Variants in NEK11 observed in about 807,000 individuals in gnomAD.
NEK11 encodes NIMA related kinase 11, also known as serine/threonine-protein kinase Nek11.
Under a neutral mutation model 80.7 loss-of-function variants are expected in NEK11, and 72 were observed. The ratio of observed to expected loss-of-function variants is 0.89; its 90% CI spans 0.74 to 1.08. The LOEUF (loss-of-function observed/expected upper bound fraction) is 1.08. Among genes scored for constraint, NEK11 ranks in the 50% least tolerant of loss-of-function variants. NEK11 has a pLI of 0.00. For synonymous variants in NEK11, 251 were observed against 260.7 expected (o/e 0.96, Z 0.36); for missense variants, 764 against 763.6 (o/e 1.00, Z -0.01).
chr3:131,085,106 C>A (rs938407839), intron 4 of NEK11, among the ~76,000 whole-genome samples: 2 of 152,158 alleles, frequency 1.3e-5, no homozygotes, highest in Non-Finnish European at 2.9e-5. Flanking sequence ...ACGAAAATTG[C>A]ACAACTTGTT....
chr3:131,151,393 G>A (rs1023090308), intron 7 of NEK11, among the ~76,000 whole-genome samples: 1 of 152,024 alleles, frequency 6.6e-6, no homozygotes, highest in South Asian at 2.1e-4. Context: ...TATTCTCAGT[G>A]TACATATCCA....
chr3:131,236,665 GT>G (rs1313781848), intron 15 of NEK11, among the ~76,000 whole-genome samples: 1 of 152,192 alleles, frequency 6.6e-6, no homozygotes, highest in African/African-American at 2.4e-5. Context: ...CTTGTTGGCA[GT>G]TTGAGTTTTG....
intron 17 of NEK11, chr3:131,327,310 C>G (rs538037993): frequency 4.6e-5 from 7 of 152,306 alleles, no homozygotes; most frequent in African/African-American, 1.7e-4. Flanking sequence ...CACACAGTGG[C>G]TGTTTGCAGA....
At chr3:131,307,781 T>C (rs1452447834) in intron 17 of NEK11, among the ~76,000 whole-genome samples, 1 of 152,224 alleles carries the variant, frequency 6.6e-6, no homozygotes, top group African/African-American at 2.4e-5. Context: ...AGCACAGCAA[T>C]ATCTTCAATA....
chr3:131,240,631 G>T (rs2108054783), intron 15 of NEK11, among the ~76,000 whole-genome samples: 1 of 152,066 alleles, frequency 6.6e-6, no homozygotes, highest in South Asian at 2.1e-4. Context: ...ATCATATTTG[G>T]CTTGGAATAC....
intron 14 of NEK11, among the ~76,000 whole-genome samples, chr3:131,215,304 A>G (rs2094791957): frequency 6.6e-6 from 1 of 151,592 alleles, no homozygotes; most frequent in Non-Finnish European, 1.5e-5. Context: ...GGATAGCATT[A>G]GGAGATATAC....
rs1413445502 is a variant in NEK11 at position 131,109,803 on chromosome 3, G to C, written c.337G>C (p.Gly113Arg). The change falls in exon 5 of 18, where the codon GGC becomes CGC. Residue 113 changes from glycine to arginine, a missense_variant and splice_region_variant. By Grantham distance (125) the Gly-to-Arg change is moderately radical (BLOSUM62 -2). Transcript: ENST00000383366. ...TGAAAGATTATGCTCTTCATTTCAG[G>C]GCCGAGATCTGGACGATAAAATTCA... ...NFCIITEYCE[G>R]RDLDDKIQEY... 13 of 1,579,972 alleles carry C rather than the reference G, an allele frequency of 8.2e-6. No homozygotes were observed. The highest frequency in any genetic ancestry group is 1.1e-5 in the Non-Finnish European group (13 of 1,169,836).
intron 3 of NEK11, among the ~76,000 whole-genome samples, chr3:131,069,666 C>T (rs374335402): frequency 0.014 from 2,053 of 150,532 alleles, 50 homozygotes; most frequent in African/African-American, 0.046. Context: ...GATGAGTTCA[C>T]GTCCTTTGTA....
chr3:131,155,546 T>C (rs976426289), intron 10 of NEK11, among the ~76,000 whole-genome samples: 1 of 152,184 alleles, frequency 6.6e-6, no homozygotes, highest in Non-Finnish European at 1.5e-5. Flanking sequence ...TAAGCCGAAA[T>C]TCACTTTCTT....
chr3:131,241,161 G>A (rs542126525), intron 15 of NEK11, among the ~76,000 whole-genome samples: 1 of 152,084 alleles, frequency 6.6e-6, no homozygotes, highest in African/African-American at 2.4e-5. Context: ...AAATATACTT[G>A]TTGGGAAGTG....
chr3:131,287,996 CA>C (rs2096493918), intron 17 of NEK11, among the ~76,000 whole-genome samples: 3 of 152,168 alleles, frequency 2.0e-5, no homozygotes, highest in Non-Finnish European at 4.4e-5. Context: ...AACCTGGTGG[CA>C]AAAATTCATA....
intron 5 of NEK11, among the ~76,000 whole-genome samples, chr3:131,128,627 G>A (rs1020967938): frequency 6.6e-6 from 1 of 152,212 alleles, no homozygotes; most frequent in Admixed American, 6.5e-5. Flanking sequence ...CCATTGTGCA[G>A]GTTTTTGTGT....
intron 3 of NEK11, among the ~76,000 whole-genome samples, chr3:131,032,306 T>C (rs1381712899): frequency 6.6e-6 from 1 of 152,198 alleles, no homozygotes; most frequent in African/African-American, 2.4e-5. Context: ...AATTGAGCAT[T>C]TCATCTTTTC....
intron 4 of NEK11, among the ~76,000 whole-genome samples, chr3:131,108,522 A>C (rs2079553072): frequency 6.6e-6 from 1 of 152,152 alleles, no homozygotes. Context: ...TTACAGTAAA[A>C]TGGATCAGGT....
chr3:131,349,771 C>A lies in NEK11; in HGVS notation c.1933C>A (p.Leu645Ile). The A allele has an allele frequency of 6.2e-7, 1 of 1,608,062 alleles. No homozygotes were observed. The highest frequency in any genetic ancestry group is 1.1e-5 in the South Asian group (1 of 90,116). Residue 645 changes from leucine (L) to isoleucine (I), a missense_variant, in exon 18 of 18, where the codon CTC (leucine) becomes ATC (isoleucine). Leu to Ile is a conservative substitution (Grantham distance 5, BLOSUM62 2). Coordinates refer to ENST00000383366, the MANE Select transcript of NEK11 (RefSeq NM_024800.5). Reference sequence around the variant, plus strand: ...AAAAGAACCTACTCTCCAGAACCATCTCTAGGCAACTATCAAAAAGAAGCA... The same window carrying A: ...AAAAGAACCTACTCTCCAGAACCATATCTAGGCAACTATCAAAAAGAAGCA... The part of the protein sequence containing the change: ...MGKEPTLQNH[L>I]
At chr3:131,197,260 T>G (rs2094053570) in intron 14 of NEK11, among the ~76,000 whole-genome samples, 1 of 152,170 alleles carries the variant, frequency 6.6e-6, no homozygotes, top group African/African-American at 2.4e-5. Flanking sequence ...CTGCTCTAAC[T>G]GCTTCCTGCT....
At chr3:131,115,958 CTT>C (rs373469141) in intron 5 of NEK11, among the ~76,000 whole-genome samples, 120 of 139,542 alleles carry the variant, frequency 8.6e-4, no homozygotes, top group African/African-American at 2.8e-3. Flanking sequence ...TTCTTTCTTT[CTT>C]TCTTTCTTTC....
chr3:131,129,331 G>T (rs1383666309), intron 5 of NEK11, among the ~76,000 whole-genome samples: 2 of 152,178 alleles, frequency 1.3e-5, no homozygotes, highest in African/African-American at 4.8e-5. Flanking sequence ...TGGGATTACA[G>T]GCTTGAGCCA....
intron 14 of NEK11, among the ~76,000 whole-genome samples, chr3:131,171,991 A>G (rs2092721764): frequency 6.6e-6 from 1 of 152,222 alleles, no homozygotes; most frequent in African/African-American, 2.4e-5. Context: ...AAGAGCTAGA[A>G]AAAACCAGGG....
Sources: allele counts gnomAD v4.1 joint callset (sites outside exome capture counted in the v4.1 genomes callset), GRCh38; gene constraint gnomAD v4.1.1; transcripts MANE v1.5; gene names NCBI Gene and HGNC (gene_info 2026-07-23, HGNC 2026-07-21).